Variants in C2CD5 observed in about 807,000 individuals in gnomAD.
C2CD5 encodes the protein C2 domain-containing protein 5.
In C2CD5, 109 loss-of-function variants were observed where a neutral mutation model predicts 130.3. That is an observed-to-expected ratio of 0.84 (90% CI 0.72 to 0.98). C2CD5 has a LOEUF of 0.98. Ranked by LOEUF, C2CD5 falls within the 50% of genes least tolerant of loss-of-function variation. C2CD5 has a pLI of 0.00. For synonymous variants in C2CD5, 454 were observed against 429.2 expected, an observed-to-expected ratio of 1.06 and a Z score of -0.71; for missense variants, 996 against 1,261.8, an observed-to-expected ratio of 0.79 and a Z score of 3.19.
intron 2 of C2CD5, among the ~76,000 whole-genome samples, chr12:22,536,083 T>G (rs2137249733): frequency 6.6e-6 from 1 of 151,724 alleles, no homozygotes; most frequent in East Asian, 1.9e-4. Flanking sequence ...CTCCATGCAC[T>G]GGTAAGGAAC....
At position 22,449,778 on chromosome 12, in the gene C2CD5, T is replaced by C; in HGVS notation, c.3138A>G (p.Glu1046=). The C allele has an allele frequency of 6.3e-7, 1 of 1,597,238 alleles. No homozygotes were observed. The highest frequency in any genetic ancestry group is 1.1e-5 in the South Asian group (1 of 89,084). Residue 1046 remains glutamate (E), a synonymous_variant, in exon 27 of 27, where the codon GAA becomes GAG. Transcript: ENST00000446597. The part of the protein sequence containing the change: ...PTTNCQSSCT[E]GEVTT Reference sequence around the variant, plus strand: ...ATTTTCCTCAGGTTGTAACTTCGCCTTCAGTACATGATGACTGGCAGTTGG... The same window carrying C: ...ATTTTCCTCAGGTTGTAACTTCGCCCTCAGTACATGATGACTGGCAGTTGG...
intron 11 of C2CD5, among the ~76,000 whole-genome samples, chr12:22,491,568 T>C (rs12310870): frequency 0.16 from 24,212 of 152,114 alleles, 3,840 homozygotes; most frequent in African/African-American, 0.41. Flanking sequence ...TACCAAGAAC[T>C]ATGCCTTCTA....
At chr12:22,511,800 C>T (rs1565762422) in intron 9 of C2CD5, among the ~76,000 whole-genome samples, 2 of 152,082 alleles carry the variant, frequency 1.3e-5, no homozygotes, top group Non-Finnish European at 1.5e-5. Flanking sequence ...CTTATTATAT[C>T]GAATTTCAAG....
At chr12:22,544,275 G>GTAACTGACAGCGAAGGA in intron 1 of C2CD5, 45 bp downstream of exon 1, 3 of 732,436 alleles carry the variant, frequency 4.1e-6, no homozygotes, top group Non-Finnish European at 6.2e-6. Flanking sequence ...AGCGCGCGGG[G>GTAACTGACAGCGAAGGA]GCGCGCGCGG....
chr12:22,480,777 C>T (rs1420595803), intron 14 of C2CD5, among the ~76,000 whole-genome samples: 2 of 152,010 alleles, frequency 1.3e-5, no homozygotes, highest in East Asian at 1.9e-4. Flanking sequence ...ACCACTTTTC[C>T]CCAAGTTACT....
At chr12:22,506,880 T>C in intron 9 of C2CD5, 61 bp from the exon 10 acceptor site, 2 of 1,040,418 alleles carry the variant, frequency 1.9e-6, no homozygotes, top group Non-Finnish European at 3.0e-6. Context: ...AAAATTTGCT[T>C]ATTAAAAAGC....
chr12:22,507,960 T>C (rs542899689), intron 9 of C2CD5, among the ~76,000 whole-genome samples: 32 of 152,164 alleles, frequency 2.1e-4, no homozygotes, highest in Non-Finnish European at 4.0e-4. Flanking sequence ...TATCATGATC[T>C]CATTTTCAAG....
Position 22,544,070 on chromosome 12 carries a change from G to A in C2CD5, c.81C>T (p.Ala27=), listed in dbSNP as rs201364556. Residue 27 remains alanine, a synonymous_variant, in exon 2 of 27, where the codon GCC becomes GCT. Transcript: ENST00000446597. ...AGGACCCTGCACCAACCTCCACGAA[G>A]GCATCAGTCAGGTCACTAGCACGGT... The part of the protein sequence containing the change: ...VMDRASDLTD[A]FVEVKFGNTT... 7.0e-5 allele frequency: 113 copies of A among 1,612,642 alleles called. No individual in the cohort carries two copies. The highest frequency in any genetic ancestry group is 3.3e-5 in the Admixed American group (2 of 59,968).
chr12:22,524,450 T>C (rs920766647), intron 6 of C2CD5, 22 bp downstream of exon 6: 2 of 1,607,808 alleles, frequency 1.2e-6, no homozygotes, highest in Non-Finnish European at 1.7e-6. Context: ...CAGTCAGTAA[T>C]AAAGTTATTT....
Position 22,471,491 on chromosome 12 carries a change from A to C in C2CD5, c.2269-3T>G. On this transcript the variant is annotated splice_polypyrimidine_tract_variant and splice_region_variant and intron_variant, in intron 19 of 26. Transcript: ENST00000446597. ...GATCGTAGTTTAAAGTACAGGCTCT[A>C]CACAATAGAAAATATTAGTAATGTC... 6.6e-7 allele frequency: 1 copy of C among 1,525,620 alleles called. No individual in the cohort carries two copies. The highest frequency in any genetic ancestry group is 8.9e-7 in the Non-Finnish European group (1 of 1,123,282). 94.5% of individuals were successfully genotyped at this position (1,525,620 alleles called of 1,614,324 possible).
chr12:22,456,997 T>TA lies in C2CD5; in HGVS notation c.2850dup (p.Ile951TyrfsTer23). ...TCCCGAAGAGAAGTAGTCTCTCGAA[T>TA]AAAAAACATGTTAATTATCCCAAGA... is the stretch of plus-strand genomic sequence containing the variant. On this transcript the variant is annotated frameshift_variant, in exon 25 of 27. Transcript: ENST00000446597. LOFTEE classifies it high-confidence loss of function. The TA allele has an allele frequency of 6.3e-7, 1 of 1,598,362 alleles. No homozygotes were observed. Among genetic ancestry groups the TA allele is most frequent in the African/African-American group, 1.3e-5 (1 of 74,340 alleles).
At chr12:22,517,933 T>A in intron 8 of C2CD5, 53 bp downstream of exon 8, 1 of 1,463,288 alleles carries the variant, frequency 6.8e-7, no homozygotes, top group African/African-American at 1.4e-5. Context: ...TAATAAGAAA[T>A]AGAAACAAAT....
chr12:22,537,154 T>C (rs543389720), intron 2 of C2CD5, among the ~76,000 whole-genome samples: 11 of 152,326 alleles, frequency 7.2e-5, no homozygotes, highest in Admixed American at 5.9e-4. Flanking sequence ...ATAACAGTTG[T>C]GCTATACTGT....
intron 12 of C2CD5, among the ~76,000 whole-genome samples, chr12:22,486,669 C>T (rs912546474): frequency 1.3e-5 from 2 of 152,148 alleles, no homozygotes; most frequent in African/African-American, 2.4e-5. Context: ...ATTTTAGAAT[C>T]ACTGACAGTT....
At chr12:22,499,845 A>G (rs1301919990) in intron 10 of C2CD5, among the ~76,000 whole-genome samples, 1 of 152,208 alleles carries the variant, frequency 6.6e-6, no homozygotes, top group African/African-American at 2.4e-5. Context: ...TAAAGGTAAC[A>G]TTTTAAAAAT....
rs757409834 is a variant in C2CD5, at chr12:22,449,800, T to C, written c.3116A>G (p.Asn1039Ser). 6.2e-7 allele frequency: 1 copy of C among 1,609,444 alleles called. No individual in the cohort carries two copies. Among genetic ancestry groups the C allele is most frequent in the Non-Finnish European group, 8.5e-7 (1 of 1,176,562 alleles). The change falls in exon 27 of 27, where the codon AAC becomes AGC. Residue 1039 changes from asparagine to serine, a missense_variant. Physicochemically the swap from Asn to Ser is conservative, Grantham distance 46. Coordinates refer to ENST00000446597, the MANE Select transcript of C2CD5 (RefSeq NM_001286176.2). Reference sequence around the variant, plus strand: ...GCCTTCAGTACATGATGACTGGCAGTTGGTAGTAGGTTGCTGAGATGACAC... The same window carrying C: ...GCCTTCAGTACATGATGACTGGCAGCTGGTAGTAGGTTGCTGAGATGACAC... ...EVVSSQQPTT[N>S]CQSSCTEGEV...
At chr12:22,519,215 G>C in intron 7 of C2CD5, 1 of 1,535,836 alleles carries the variant, frequency 6.5e-7, no homozygotes, top group Non-Finnish European at 8.7e-7. Flanking sequence ...GGCATCCATG[G>C]CTTGGAGGAT....
rs1189903089 is a variant in C2CD5, at chr12:22,524,927, T to C, written c.446-300A>G. Among the ~76,000 whole-genome samples, 10 of 151,138 alleles carry C rather than the reference T, an allele frequency of 6.6e-5. No homozygotes were observed. The East Asian group carries it at 1.7e-3, about 26-fold the overall frequency. On this transcript the variant is annotated intron_variant, in intron 5 of 26. Transcript: ENST00000446597. ...CTTAAACAGAATTCAATACAAAGTT[T>C]AAAAAATCAAAATTTAAGTCAGCTA...
At position 22,525,851 on chromosome 12, in the gene C2CD5, T is replaced by G. The variant is rs570770402; in HGVS notation, c.350-146A>C. 51 of 608,274 alleles carry G rather than the reference T, an allele frequency of 8.4e-5. No homozygotes were observed. In the Middle Eastern group the frequency reaches 1.4e-3, roughly 16 times the overall value. 37.7% of individuals were successfully genotyped at this position (608,274 alleles called of 1,614,324 possible). A position where few individuals can be genotyped will look rare whatever the true frequency, so the allele number is the denominator to read the frequency against. On this transcript the variant is annotated intron_variant, in intron 4 of 26. Transcript: ENST00000446597. The stretch of plus-strand genomic sequence containing the variant: ...GAACTTTACCATGGTGCAAAACCAT[T>G]CTGATTTTCACTTTCAGTCCAGAAT...
Sources: gnomAD v4.1 joint callset for allele counts (sites outside exome capture counted in the v4.1 genomes callset) on GRCh38, gnomAD v4.1.1 for gene constraint, MANE v1.5 for transcripts, NCBI Gene and HGNC (gene_info 2026-07-23, HGNC 2026-07-21) for gene names.